Variants in TEK observed in about 807,000 individuals in gnomAD.
TEK encodes TEK receptor tyrosine kinase, also known as angiopoietin-1 receptor.
A neutral mutation model predicts 131.8 loss-of-function variants in TEK; 43 were observed. That is an observed-to-expected ratio of 0.33 (90% confidence interval 0.26 to 0.42). The LOEUF (loss-of-function observed/expected upper bound fraction) is 0.42, where lower values mean the gene tolerates loss of function less well. Among genes scored for constraint, TEK ranks in the 10% least tolerant of loss-of-function variants. The pLI is 1.00. For synonymous variants in TEK, 580 were observed against 491.6 expected, an observed-to-expected ratio of 1.18 and a Z score of -2.38; for missense variants, 1,162 against 1,384.4, an observed-to-expected ratio of 0.84 and a Z score of 2.55.
chr9:27,114,449 T>C (rs1320700120), intron 1 of TEK, among the ~76,000 whole-genome samples: 4 of 152,034 alleles, frequency 2.6e-5, no homozygotes, highest in African/African-American at 9.7e-5. Flanking sequence ...CATGTGCCTG[T>C]AATCCCAGCT....
chr9:27,213,066 C>T (rs1587027338), intron 17 of TEK, among the ~76,000 whole-genome samples, 169 bp downstream of exon 17: 2 of 151,930 alleles, frequency 1.3e-5, no homozygotes, highest in Non-Finnish European at 2.9e-5. Context: ...AAAATTAGTA[C>T]TGACAATATG....
At chr9:27,225,604 A>G (rs1292433695) in intron 21 of TEK, among the ~76,000 whole-genome samples, 1 of 152,074 alleles carries the variant, frequency 6.6e-6, no homozygotes, top group African/African-American at 2.4e-5. Flanking sequence ...TGGATTAAAG[A>G]CAAACGTAAA....
intron 1 of TEK, among the ~76,000 whole-genome samples, chr9:27,141,093 T>G (rs1011599313): frequency 2.6e-5 from 4 of 152,196 alleles, no homozygotes; most frequent in Admixed American, 2.6e-4. Context: ...TTTCTTCTGC[T>G]GTCTGAAAGT....
chr9:27,170,143 A>G (rs1384861164), intron 4 of TEK, among the ~76,000 whole-genome samples: 6 of 152,224 alleles, frequency 3.9e-5, no homozygotes, highest in East Asian at 1.9e-4. Flanking sequence ...TAAACCATCA[A>G]ATCTCATGAG....
Position 27,229,273 on chromosome 9 carries a change from A to C in TEK, c.*41A>C. 1 of 1,594,980 alleles carries C rather than the reference A, an allele frequency of 6.3e-7. No individual in the cohort carries two copies. ...TACCCTCTGTTTCCCTTTCACTGGCATGGGAGACCCTTGACACCTGCTGAG... is the reference window on the plus strand; with the variant it reads ...TACCCTCTGTTTCCCTTTCACTGGCCTGGGAGACCCTTGACACCTGCTGAG... On this transcript the variant is annotated 3_prime_UTR_variant, in exon 23 of 23. Coordinates refer to ENST00000380036, the MANE Select transcript of TEK (RefSeq NM_000459.5).
rs1288032997 is a variant in TEK, at chr9:27,212,913, T to G, written c.2877+16T>G. 1 of 1,612,418 alleles carries G rather than the reference T, an allele frequency of 6.2e-7. No individual in the cohort carries two copies. Among genetic ancestry groups the G allele is most frequent in the Non-Finnish European group, 8.5e-7 (1 of 1,179,810 alleles). On this transcript the variant is annotated intron_variant, in intron 17 of 22. Coordinates refer to ENST00000380036, the MANE Select transcript of TEK (RefSeq NM_000459.5). ...CCAAAAACAGGTTTGTCCGGAGGAC[T>G]TCGCTTTGGATATCTTTCCTGTGGA...
At chr9:27,186,818 C>T (rs933135202) in intron 9 of TEK, among the ~76,000 whole-genome samples, 3 of 152,140 alleles carry the variant, frequency 2.0e-5, no homozygotes, top group Non-Finnish European at 4.4e-5. Flanking sequence ...TGTAAATACT[C>T]AGAACATAAT....
At chr9:27,222,197 G>T (rs183931431) in intron 21 of TEK, among the ~76,000 whole-genome samples, 50 of 152,224 alleles carry the variant, frequency 3.3e-4, no homozygotes, top group African/African-American at 1.2e-3. Flanking sequence ...TAATGAAAAG[G>T]AATGAACAAA....
intron 2 of TEK, among the ~76,000 whole-genome samples, chr9:27,158,676 G>GGT (rs1554691711): frequency 9.1e-6 from 1 of 110,402 alleles, no homozygotes; most frequent in Non-Finnish European, 2.0e-5. Context: ...TTTTTTTTTT[G>GGT]GGGGGGTGGA....
At chr9:27,187,938 T>C (rs1824660193) in intron 9 of TEK, among the ~76,000 whole-genome samples, 1 of 152,302 alleles carries the variant, frequency 6.6e-6, no homozygotes, top group African/African-American at 2.4e-5. Flanking sequence ...TATGTCCAGA[T>C]ACGGTTACAT....
intron 18 of TEK, among the ~76,000 whole-genome samples, chr9:27,216,155 G>A (rs1825813937): frequency 6.6e-6 from 1 of 152,148 alleles, no homozygotes. Flanking sequence ...TGGGATCTTG[G>A]AACCATAGGG....
intron 1 of TEK, among the ~76,000 whole-genome samples, chr9:27,123,324 G>A (rs1362056487): frequency 6.6e-6 from 1 of 152,128 alleles, no homozygotes; most frequent in African/African-American, 2.4e-5. Context: ...CCTTCTCTCT[G>A]CCGTCATAGG....
rs1010364099 is a variant in TEK, at chr9:27,228,284, C to G, written c.3279C>G (p.Asn1093Lys). Residue 1093 changes from asparagine to lysine, a missense_variant, in exon 22 of 23, where the codon AAC (asparagine) becomes AAG (lysine). Asn to Lys is a moderately conservative substitution (Grantham distance 94). Around this residue, in one of 6 missense-constraint regions of TEK, gnomAD observed 84 missense variants for 80.3 expected, o/e 1.05. Coordinates refer to ENST00000380036, the MANE Select transcript of TEK (RefSeq NM_000459.5). ...TTGCCCAGATATTGGTGTCCTTAAACAGAATGTTAGAGGAGCGAAAGGTAA... is the reference window on the plus strand; with the variant it reads ...TTGCCCAGATATTGGTGTCCTTAAAGAGAATGTTAGAGGAGCGAAAGGTAA... The part of the protein sequence containing the change: ...PSFAQILVSL[N>K]RMLEERKTYV... 3.1e-6 allele frequency: 5 copies of G among 1,612,658 alleles called. No individual in the cohort carries two copies. Among genetic ancestry groups the G allele is most frequent in the African/African-American group, 1.3e-5 (1 of 74,840 alleles).
rs530597568 is a variant in TEK, at chr9:27,126,038, A to G, written c.52+16396A>G. 3.3e-5 allele frequency among the ~76,000 whole-genome samples: 5 copies of G among 152,304 alleles called. No individual in the cohort carries two copies. The South Asian group carries it at 1.0e-3, about 32-fold the overall frequency. ...GACATGCAGTAGATTGTTGTTATTC[A>G]TGGTGCTTATGTTCTGTAAACCACG... On this transcript the variant is annotated intron_variant, in intron 1 of 22. Transcript: ENST00000380036.
Position 27,166,934 on chromosome 9 carries a change from C to T in TEK, c.365-1561C>T, listed in dbSNP as rs1298543466. On this transcript the variant is annotated intron_variant, in intron 2 of 22. Coordinates refer to ENST00000380036, the MANE Select transcript of TEK (RefSeq NM_000459.5). Reference sequence around the variant, plus strand: ...TTTATGTCTTTTGTTTCCTTATCTTCTCTCTTGCCCTCTTGTTGAGGAAAG... The same window carrying T: ...TTTATGTCTTTTGTTTCCTTATCTTTTCTCTTGCCCTCTTGTTGAGGAAAG... 2.0e-5 allele frequency among the ~76,000 whole-genome samples: 3 copies of T among 152,248 alleles called. No individual in the cohort carries two copies. The East Asian group carries it at 5.8e-4, about 29-fold the overall frequency.
At chr9:27,181,762 A>G (rs1824385142) in intron 7 of TEK, among the ~76,000 whole-genome samples, 2 of 152,228 alleles carry the variant, frequency 1.3e-5, no homozygotes, top group Non-Finnish European at 2.9e-5. Flanking sequence ...CTGTCGTAGA[A>G]TATACTTTTT....
chr9:27,218,916 A>G (rs1044148165), intron 20 of TEK, 99 bp downstream of exon 20: 22 of 1,181,034 alleles, frequency 1.9e-5, no homozygotes, highest in Non-Finnish European at 2.8e-5. Flanking sequence ...TGCCGTTTGT[A>G]TGTGGTTCTA....
At chr9:27,191,591 G>GA (rs11372025) in intron 10 of TEK, among the ~76,000 whole-genome samples, 57,872 of 146,508 alleles carry the variant, frequency 0.4, 11,412 homozygotes, top group African/African-American at 0.46. Flanking sequence ...GAAAACTATG[G>GA]AAAAAAAAAA....
At chr9:27,165,646 A>G (rs1360915855) in intron 2 of TEK, among the ~76,000 whole-genome samples, 1 of 152,222 alleles carries the variant, frequency 6.6e-6, no homozygotes, top group Non-Finnish European at 1.5e-5. Flanking sequence ...GAAGGTAGGT[A>G]TCATTACTTT....
Sources: allele counts gnomAD v4.1 joint callset (sites outside exome capture counted in the v4.1 genomes callset), GRCh38; gene constraint gnomAD v4.1.1; regional missense constraint gnomAD v4.1.1; transcripts MANE v1.5; gene names NCBI Gene and HGNC (gene_info 2026-07-23, HGNC 2026-07-21).